PKD1L1: variants seen among roughly 807,000 people sequenced by gnomAD.
PKD1L1 encodes the protein polycystin 1 like 1, transient receptor potential channel interacting, also known as polycystin-1-like protein 1.
A neutral mutation model predicts 323.4 loss-of-function variants in PKD1L1; 236 were observed. The observed-to-expected ratio is 0.73, with a 90% confidence interval of 0.66 to 0.81. The LOEUF is 0.81. PKD1L1 is among the 40% of genes least tolerant of loss of function. The pLI is 0.00. For missense variants in PKD1L1, 3,320 were observed against 3,508.0 expected, an observed-to-expected ratio of 0.95 and a Z score of 1.35; for synonymous variants, 1,344 against 1,335.0, an observed-to-expected ratio of 1.01 and a Z score of -0.15.
intron 9 of PKD1L1, 98 bp from the exon 10 acceptor site, chr7:47,906,060 C>T (rs1787200003): frequency 4.1e-5 from 49 of 1,190,346 alleles, no homozygotes; most frequent in Non-Finnish European, 5.5e-5. Context: ...TTAACTTTCC[C>T]CCTTTGAATC....
At chr7:47,879,855 C>T (rs1393209722) in intron 21 of PKD1L1, among the ~76,000 whole-genome samples, 9 of 126,914 alleles carry the variant, frequency 7.1e-5, no homozygotes, top group African/African-American at 3.3e-4. Context: ...ATGGCGTGAA[C>T]CTGGGAGGCA....
chr7:47,778,427 C>A (rs1365710452), intron 56 of PKD1L1, among the ~76,000 whole-genome samples: 1 of 152,092 alleles, frequency 6.6e-6, no homozygotes, highest in Non-Finnish European at 1.5e-5. Context: ...CAGTTGAAGT[C>A]ACTCATGATT....
At chr7:47,808,900 C>G (rs1784837089) in intron 51 of PKD1L1, among the ~76,000 whole-genome samples, 1 of 152,178 alleles carries the variant, frequency 6.6e-6, no homozygotes, top group African/African-American at 2.4e-5. Context: ...CACACTTAGG[C>G]TACACTAAAT....
chr7:47,795,189 A>C (rs116127643), intron 55 of PKD1L1: 1 of 336,778 alleles, frequency 3.0e-6, no homozygotes, highest in Non-Finnish European at 5.8e-6. Flanking sequence ...CTGTGTCCCT[A>C]TTCAAATCTC....
intron 52 of PKD1L1, among the ~76,000 whole-genome samples, chr7:47,803,757 C>A (rs1198576060): frequency 6.6e-6 from 1 of 152,194 alleles, no homozygotes; most frequent in Admixed American, 6.5e-5. Context: ...CCCCCAGATA[C>A]ATGTACAGAA....
intron 34 of PKD1L1, among the ~76,000 whole-genome samples, chr7:47,842,595 T>C (rs6959021): frequency 0.18 from 27,433 of 152,054 alleles, 2,685 homozygotes; most frequent in East Asian, 0.22. Flanking sequence ...TCCCACCCCA[T>C]CTTCATCCTC....
At chr7:47,810,590 G>A (rs185068246) in intron 50 of PKD1L1, among the ~76,000 whole-genome samples, 3 of 152,248 alleles carry the variant, frequency 2.0e-5, no homozygotes, top group Admixed American at 2.0e-4. Context: ...AGCCTTTACC[G>A]GGTCACTGAA....
chr7:47,794,611 T>A (rs556136455), intron 55 of PKD1L1, among the ~76,000 whole-genome samples: 13 of 152,246 alleles, frequency 8.5e-5, no homozygotes, highest in Admixed American at 2.6e-4. Context: ...AGGGACCTAG[T>A]GGAGCTGTGA....
At chr7:47,805,880 A>G (rs1348905250) in intron 52 of PKD1L1, among the ~76,000 whole-genome samples, 3 of 152,208 alleles carry the variant, frequency 2.0e-5, no homozygotes, top group Non-Finnish European at 2.9e-5. Context: ...GGATAGCTCA[A>G]CATACACGTG....
chr7:47,847,105 C>G lies in PKD1L1; in HGVS notation c.4961-34G>C, dbSNP rs765848145. 16 of 1,513,082 alleles carry G rather than the reference C, an allele frequency of 1.1e-5. No homozygotes were observed. In the Admixed American group the frequency reaches 3.6e-4, roughly 34 times the overall value. 93.7% of individuals were successfully genotyped at this position (1,513,082 alleles called of 1,614,324 possible). A position where few individuals can be genotyped will look rare whatever the true frequency, so the allele number is the denominator to read the frequency against. ...AGAAAACATAAATAAAAAGTACAAC[C>G]TGAGGTTTGCAGAAAGGCATTCTCC... On this transcript the variant is annotated intron_variant, in intron 31 of 56. Coordinates refer to ENST00000289672, the MANE Select transcript of PKD1L1 (RefSeq NM_138295.5).
intron 56 of PKD1L1, among the ~76,000 whole-genome samples, chr7:47,776,900 TA>T (rs1786581027): frequency 1.3e-5 from 2 of 152,274 alleles, no homozygotes; most frequent in South Asian, 4.2e-4. Context: ...TTTATTTATT[TA>T]TTTTTTTTGA....
intron 7 of PKD1L1, among the ~76,000 whole-genome samples, chr7:47,916,219 T>G (rs895219244): frequency 3.3e-5 from 5 of 152,224 alleles, no homozygotes; most frequent in Non-Finnish European, 5.9e-5. Flanking sequence ...AAAGCTATAA[T>G]GAGGCAACTG....
chr7:47,782,141 A>T (rs941124214), intron 56 of PKD1L1, among the ~76,000 whole-genome samples: 11 of 152,134 alleles, frequency 7.2e-5, no homozygotes, highest in African/African-American at 2.4e-4. Context: ...CTCCACTCTG[A>T]CCCACCATCC....
chr7:47,909,605 C>T (rs920001568), intron 8 of PKD1L1, among the ~76,000 whole-genome samples: 2 of 152,220 alleles, frequency 1.3e-5, no homozygotes, highest in Non-Finnish European at 2.9e-5. Flanking sequence ...AACCTCATCA[C>T]AGAACACTTA....
chr7:47,795,589 G>A (rs998346605), intron 55 of PKD1L1: 10 of 345,032 alleles, frequency 2.9e-5, no homozygotes, highest in African/African-American at 2.0e-4. Context: ...CATGTCTGGG[G>A]TGACTGAACT....
chr7:47,930,802 G>A (rs1230173504), intron 6 of PKD1L1, among the ~76,000 whole-genome samples: 2 of 152,004 alleles, frequency 1.3e-5, no homozygotes, highest in African/African-American at 2.4e-5. Context: ...GTGACAGAGC[G>A]AGACTCTGTC....
chr7:47,848,637 C>G (rs893965918), intron 31 of PKD1L1, among the ~76,000 whole-genome samples: 40 of 152,202 alleles, frequency 2.6e-4, no homozygotes, highest in Admixed American at 3.9e-4. Context: ...GAAACTCTGT[C>G]TCTACTAAAA....
intron 9 of PKD1L1, among the ~76,000 whole-genome samples, chr7:47,906,627 C>T (rs969871166): frequency 2.6e-5 from 4 of 152,006 alleles, no homozygotes; most frequent in Admixed American, 2.6e-4. Flanking sequence ...AGATTTAGAG[C>T]AACTCATTTA....
At chr7:47,802,524 G>A (rs1272397707) in intron 53 of PKD1L1, among the ~76,000 whole-genome samples, 1 of 152,186 alleles carries the variant, frequency 6.6e-6, no homozygotes, top group Non-Finnish European at 1.5e-5. Flanking sequence ...ACCTGTGCTT[G>A]GTGTCCTGTG....
Sources: allele counts gnomAD v4.1 joint callset (sites outside exome capture counted in the v4.1 genomes callset), GRCh38; gene constraint gnomAD v4.1.1; transcripts MANE v1.5; gene names NCBI Gene and HGNC (gene_info 2026-07-23, HGNC 2026-07-21).